The following COL7A1 variants were observed in gnomAD, a reference collection of about 807,000 sequenced individuals.
COL7A1 encodes collagen alpha-1(VII) chain.
COL7A1 carries 296 observed loss-of-function variants against 456.2 expected under a neutral mutation model. The observed-to-expected ratio is 0.65, with a 90% CI of 0.59 to 0.71. The LOEUF (loss-of-function observed/expected upper bound fraction) is 0.71, where lower values mean the gene tolerates loss of function less well. Among genes scored for constraint, COL7A1 ranks in the 30% least tolerant of loss-of-function variants. The pLI, the probability that COL7A1 is intolerant of heterozygous loss-of-function variation, is 0.00. For synonymous variants in COL7A1, 1,464 were observed against 1,525.9 expected, an observed-to-expected ratio of 0.96 and a Z score of 0.95; for missense variants, 3,441 against 4,017.2, an observed-to-expected ratio of 0.86 and a Z score of 3.88.
chr3:48,584,870 G>A (rs1162328658), intron 34 of COL7A1, 40 bp downstream of exon 34: 1 of 1,613,812 alleles, frequency 6.2e-7, no homozygotes, highest in Non-Finnish European at 8.5e-7. Context: ...GAAGAACCCT[G>A]GGAAGACACT....
rs1259804478 is a variant in COL7A1, at chr3:48,571,909, C to T, written c.7068+92G>A. On this transcript the variant is annotated intron_variant, in intron 92 of 118. Coordinates refer to ENST00000681320, the MANE Select transcript of COL7A1 (RefSeq NM_000094.4). The surrounding 1 kb of genome is among the most constrained non-coding windows in gnomAD (Gnocchi z 4.6). ...TGGGACATGCAGCCCGACTCAGGGG[C>T]TCAGACATGTGCCCCGGCCCAAGAG... is the stretch of plus-strand genomic sequence containing the variant. 1 of 1,487,752 alleles carries T rather than the reference C, an allele frequency of 6.7e-7. No homozygotes were observed. 92.2% of individuals were successfully genotyped at this position (1,487,752 alleles called of 1,614,324 possible). A position where few individuals can be genotyped will look rare whatever the true frequency, so the allele number is the denominator to read the frequency against.
At position 48,592,108 on chromosome 3, in the gene COL7A1, G is replaced by C. The variant is rs767805875; in HGVS notation, c.1234C>G (p.Arg412Gly). 1 of 1,614,156 alleles carries C rather than the reference G, an allele frequency of 6.2e-7. No homozygotes were observed. The highest frequency in any genetic ancestry group is 1.1e-5 in the South Asian group (1 of 91,084). ...AAGTGCCCAGCCTTCTCACCAGTGC[G>C]AGCCATCAGGGAAGTGGCGGGCCCC... ...SVGPATSLMA[R>G]TDASVEQTLR... The change falls in exon 10 of 119, where the codon CGC becomes GGC. Residue 412 changes from arginine (R) to glycine (G), a missense_variant. Physicochemically the swap from Arg to Gly is moderately radical, Grantham distance 125. This residue lies in a region of COL7A1 where 913 missense variants were observed against 1,088.2 expected (regional missense o/e 0.84). Coordinates refer to ENST00000681320, the MANE Select transcript of COL7A1 (RefSeq NM_000094.4). This position sits in a 1 kb window ranked among gnomAD's most constrained non-coding sequence, Gnocchi z 7.6.
chr3:48,570,602 A>G lies in COL7A1; in HGVS notation c.7344+37T>C. ...ATCCTAAGTCCTCACGAGGACAGGA[A>G]ATCAAATACGTGGGGCTTTAGGGCA... On this transcript the variant is annotated intron_variant, in intron 96 of 118. Transcript: ENST00000681320. The surrounding 1 kb of genome is among the most constrained non-coding windows in gnomAD (Gnocchi z 5.5). The G allele has an allele frequency of 6.2e-7, 1 of 1,612,358 alleles. No individual in the cohort carries two copies. Among genetic ancestry groups the G allele is most frequent in the South Asian group, 1.1e-5 (1 of 90,912 alleles).
chr3:48,586,853 C>A lies in COL7A1; in HGVS notation c.3276+119G>T, dbSNP rs1201201121. ...GCCAGGCAGTAGGTGAGGTCTGGAG[C>A]CTGTGAGAGAGCTGGGAGAATGCCT... is the stretch of plus-strand genomic sequence containing the variant. On this transcript the variant is annotated intron_variant, in intron 25 of 118. Transcript: ENST00000681320. This position sits in a 1 kb window ranked among gnomAD's most constrained non-coding sequence, Gnocchi z 5.1. The A allele has an allele frequency of 6.6e-7, 1 of 1,522,240 alleles. No homozygotes were observed. Among genetic ancestry groups the A allele is most frequent in the Non-Finnish European group, 8.9e-7 (1 of 1,123,894 alleles). The allele number at this position is 1,522,240 out of a possible 1,614,324, so 94.3% of individuals were successfully genotyped here.
Position 48,564,688 on chromosome 3 carries a change from C to G in COL7A1, c.8818+95G>C. 3 of 1,395,922 alleles carry G rather than the reference C, an allele frequency of 2.1e-6. No homozygotes were observed. The highest frequency in any genetic ancestry group is 1.3e-5 in the South Asian group (1 of 75,758). 86.5% of individuals were successfully genotyped at this position (1,395,922 alleles called of 1,614,324 possible). On this transcript the variant is annotated intron_variant, in intron 118 of 118. Transcript: ENST00000681320. The surrounding 1 kb of genome is among the most constrained non-coding windows in gnomAD (Gnocchi z 6.0). The stretch of plus-strand genomic sequence containing the variant: ...TGCGAGGGAGCGTCTCCTCCAGGAC[C>G]CTGACCTGGAACCCTGGCCCAAGGA...
chr3:48,573,495 C>T lies in COL7A1; in HGVS notation c.6618+18G>A. 1 of 1,614,104 alleles carries T rather than the reference C, an allele frequency of 6.2e-7. No individual in the cohort carries two copies. Among genetic ancestry groups the T allele is most frequent in the Non-Finnish European group, 8.5e-7 (1 of 1,180,004 alleles). ...GCTTGAAGGAGCCTCCTCCTCCTATCCACACACCTAGACTCACCTTCAGGC... is the reference window on the plus strand; with the variant it reads ...GCTTGAAGGAGCCTCCTCCTCCTATTCACACACCTAGACTCACCTTCAGGC... On this transcript the variant is annotated intron_variant, in intron 83 of 118. Coordinates refer to ENST00000681320, the MANE Select transcript of COL7A1 (RefSeq NM_000094.4). The surrounding 1 kb of genome is among the most constrained non-coding windows in gnomAD (Gnocchi z 5.5).
At position 48,571,090 on chromosome 3, in the gene COL7A1, C is replaced by T. The variant is rs929054804; in HGVS notation, c.7164+11G>A. 1.9e-6 allele frequency: 3 copies of T among 1,613,756 alleles called. No individual in the cohort carries two copies. The highest frequency in any genetic ancestry group is 2.5e-6 in the Non-Finnish European group (3 of 1,179,922). ...GCTGCCCCTACAACTGGTGATGGGG[C>T]ATTGACTTACCTTCACACCTGGAGG... is the stretch of plus-strand genomic sequence containing the variant. On this transcript the variant is annotated intron_variant, in intron 94 of 118. Coordinates refer to ENST00000681320, the MANE Select transcript of COL7A1 (RefSeq NM_000094.4). The surrounding 1 kb of genome is among the most constrained non-coding windows in gnomAD (Gnocchi z 4.6).
rs1439065033 is a variant in COL7A1 at position 48,576,562 on chromosome 3, G to C, written c.5701-5C>G. ...TCCTGGGACACCAGGAAAACCCTGAGATACGGCAGAACACAAAGGGGTCAC... is the reference window on the plus strand; with the variant it reads ...TCCTGGGACACCAGGAAAACCCTGACATACGGCAGAACACAAAGGGGTCAC... On this transcript the variant is annotated splice_region_variant and splice_polypyrimidine_tract_variant and intron_variant, in intron 68 of 118. Coordinates refer to ENST00000681320, the MANE Select transcript of COL7A1 (RefSeq NM_000094.4). The C allele has an allele frequency of 6.2e-7, 1 of 1,608,176 alleles. No individual in the cohort carries two copies. The highest frequency in any genetic ancestry group is 8.5e-7 in the Non-Finnish European group (1 of 1,177,730).
intron 35 of COL7A1, 48 bp downstream of exon 35, chr3:48,584,686 T>G: frequency 6.2e-7 from 1 of 1,613,852 alleles, no homozygotes; most frequent in South Asian, 1.1e-5. Context: ...GGGGCAGTCC[T>G]GCTCCTCCCT....
chr3:48,587,085 C>T lies in COL7A1; in HGVS notation c.3163G>A (p.Val1055Met). Residue 1055 changes from valine to methionine, a missense_variant, in exon 25 of 119, where the codon GTG becomes ATG. Physicochemically the swap from Val to Met is conservative, Grantham distance 21. This residue lies in a region of COL7A1 where 444 missense variants were observed against 427.6 expected (regional missense o/e 1.04). Transcript: ENST00000681320. The surrounding 1 kb of genome is among the most constrained non-coding windows in gnomAD (Gnocchi z 6.1). ...TPVCPRGLAD[V>M]VFLPHATQDN... is the part of the protein sequence containing the mutation. ...TGAGTGGCATGTGGTAGGAACACCA[C>T]ATCCGCCAGGCCACGGGGGCACACT... is the stretch of plus-strand genomic sequence containing the variant. The T allele has an allele frequency of 6.2e-7, 1 of 1,612,078 alleles. No homozygotes were observed. Among genetic ancestry groups the T allele is most frequent in the South Asian group, 1.1e-5 (1 of 90,642 alleles).
In COL7A1 at chr3:48,590,832, G is replaced by C; in HGVS notation, c.1637-16C>G. 1 of 1,612,094 alleles carries C rather than the reference G, an allele frequency of 6.2e-7. No homozygotes were observed. Among genetic ancestry groups the C allele is most frequent in the Non-Finnish European group, 8.5e-7 (1 of 1,180,014 alleles). On this transcript the variant is annotated splice_polypyrimidine_tract_variant and intron_variant, in intron 13 of 118. Coordinates refer to ENST00000681320, the MANE Select transcript of COL7A1 (RefSeq NM_000094.4). This position sits in a 1 kb window ranked among gnomAD's most constrained non-coding sequence, Gnocchi z 4.6. ...CGCTCAACCCCTAAGAGAGAAGTCA[G>C]GGTAGGTGGGCAGGGGTCAGAAAGA... is the stretch of plus-strand genomic sequence containing the variant.
Position 48,579,064 on chromosome 3 carries a change from G to A in COL7A1, c.5389-110C>T. 7 of 1,563,118 alleles carry A rather than the reference G, an allele frequency of 4.5e-6. No homozygotes were observed. Among genetic ancestry groups the A allele is most frequent in the Non-Finnish European group, 5.3e-6 (6 of 1,135,578 alleles). ...ACATGCCCCACCCAGGCAGGGCTCT[G>A]GGAGAAGACACAGACAACAGGTCTC... is the stretch of plus-strand genomic sequence containing the variant. On this transcript the variant is annotated intron_variant, in intron 62 of 118. Transcript: ENST00000681320. The surrounding 1 kb of genome is among the most constrained non-coding windows in gnomAD (Gnocchi z 4.4).
At position 48,575,968 on chromosome 3, in the gene COL7A1, G is replaced by A; in HGVS notation, c.5821-66C>T. 2.5e-6 allele frequency: 4 copies of A among 1,612,466 alleles called. No homozygotes were observed. The South Asian group carries it at 4.4e-5, about 18-fold the overall frequency. ...AAGCTCCTGCCTTCTGCCCCGCACG[G>A]CCTCAGGAAAGCACCTTCACACCCT... On this transcript the variant is annotated intron_variant, in intron 71 of 118. Coordinates refer to ENST00000681320, the MANE Select transcript of COL7A1 (RefSeq NM_000094.4). This position sits in a 1 kb window ranked among gnomAD's most constrained non-coding sequence, Gnocchi z 6.3.
chr3:48,594,283 T>G lies in COL7A1; in HGVS notation c.266+85A>C, dbSNP rs1201481539. The stretch of plus-strand genomic sequence containing the variant: ...AACTTGTTTCTGCAAAGACCTGGCC[T>G]GGGGTTTCCAGGGTCTCCTCCCTCT... On this transcript the variant is annotated intron_variant, in intron 3 of 118. Transcript: ENST00000681320. The surrounding 1 kb of genome is among the most constrained non-coding windows in gnomAD (Gnocchi z 5.5). 1.7e-5 allele frequency: 26 copies of G among 1,524,352 alleles called. 1 individual carries two copies. In the African/African-American group the frequency reaches 2.0e-4, roughly 12 times the overall value. The allele number at this position is 1,524,352 out of a possible 1,614,324, so 94.4% of individuals were successfully genotyped here.
In COL7A1 at chr3:48,583,788, GAAGT is replaced by G; in HGVS notation, c.4279-12_4279-9del. On this transcript the variant is annotated splice_polypyrimidine_tract_variant and intron_variant, in intron 39 of 118. Transcript: ENST00000681320. The surrounding 1 kb of genome is among the most constrained non-coding windows in gnomAD (Gnocchi z 5.1). ...AGGGCTTCCGGGAAGACCCTAGGAA[GAAGT>G]GAGTAAAAATATGAGCCAAGAACTA... 6.2e-7 allele frequency: 1 copy of G among 1,613,840 alleles called. No homozygotes were observed. The highest frequency in any genetic ancestry group is 8.5e-7 in the Non-Finnish European group (1 of 1,179,956).
In COL7A1 at chr3:48,592,316, G is replaced by T. The variant is rs201632603; in HGVS notation, c.1093+35C>A. ...AGGACTCTACAGCCTTGTCTGAGGC[G>T]CGGGGACTCCCCTCAGCCCACATCT... is the stretch of plus-strand genomic sequence containing the variant. On this transcript the variant is annotated intron_variant, in intron 9 of 118. Transcript: ENST00000681320. The surrounding 1 kb of genome is among the most constrained non-coding windows in gnomAD (Gnocchi z 7.6). 731 of 1,613,456 alleles carry T rather than the reference G, an allele frequency of 4.5e-4. 1 individual carries two copies. Among genetic ancestry groups the T allele is most frequent in the Non-Finnish European group, 5.9e-4 (697 of 1,179,864 alleles).
At position 48,573,285 on chromosome 3, in the gene COL7A1, A is replaced by G. The variant is rs753237431; in HGVS notation, c.6651+31T>C. On this transcript the variant is annotated intron_variant, in intron 84 of 118. Coordinates refer to ENST00000681320, the MANE Select transcript of COL7A1 (RefSeq NM_000094.4). The surrounding 1 kb of genome is among the most constrained non-coding windows in gnomAD (Gnocchi z 5.5). ...CAGTGCCAACCCCACCCATCTCCCT[A>G]TGACCCTAACCTGTGAGCTAGGCCA... 5 of 1,613,754 alleles carry G rather than the reference A, an allele frequency of 3.1e-6. No homozygotes were observed. The highest frequency in any genetic ancestry group is 3.3e-5 in the Admixed American group (2 of 59,996).
Position 48,589,650 on chromosome 3 carries a change from T to A in COL7A1, c.2119A>T (p.Thr707Ser). The A allele has an allele frequency of 6.2e-7, 1 of 1,613,610 alleles. No homozygotes were observed. The highest frequency in any genetic ancestry group is 8.5e-7 in the Non-Finnish European group (1 of 1,179,942). ...TATCCTGTGGCGCCAGGAACCCTGGTCCAGGTAATGGTGACAGATGAGCTG... is the reference window on the plus strand; with the variant it reads ...TATCCTGTGGCGCCAGGAACCCTGGACCAGGTAATGGTGACAGATGAGCTG... ...ASSSSVTITW[T>S]RVPGATGYRV... The change falls in exon 17 of 119, where the codon ACC becomes TCC. Residue 707 changes from threonine to serine, a missense_variant. This residue lies in a region of COL7A1 where 913 missense variants were observed against 1,088.2 expected (regional missense o/e 0.84). Coordinates refer to ENST00000681320, the MANE Select transcript of COL7A1 (RefSeq NM_000094.4).
intron 16 of COL7A1, 66 bp from the exon 17 acceptor site, chr3:48,589,784 G>C (rs1351757487): frequency 6.2e-7 from 1 of 1,608,986 alleles, no homozygotes; most frequent in Non-Finnish European, 8.5e-7. Context: ...ATCTGATAGG[G>C]GAAGATGATG....
Sources: allele counts gnomAD v4.1 joint callset, GRCh38; gene constraint gnomAD v4.1.1; regional missense constraint gnomAD v4.1.1; non-coding constraint Gnocchi (gnomAD v3.1); transcripts MANE v1.5; gene names NCBI Gene and HGNC (gene_info 2026-07-23, HGNC 2026-07-21).